RIT2: variants seen among roughly 807,000 people sequenced by gnomAD.
RIT2 encodes GTP-binding protein Rit2.
RIT2 carries 24 observed loss-of-function variants against 23.7 expected under a neutral mutation model. That is an observed-to-expected ratio of 1.01 (90% CI 0.73 to 1.43). RIT2 has a LOEUF of 1.43. RIT2 is among the 40% of genes most tolerant of loss of function. The pLI, the probability that RIT2 is intolerant of heterozygous loss-of-function variation, is 0.00. For synonymous variants in RIT2, 107 were observed against 91.1 expected, an observed-to-expected ratio of 1.17 and a Z score of -0.99; for missense variants, 236 against 266.9, an observed-to-expected ratio of 0.88 and a Z score of 0.81.
chr18:43,077,321 C>A (rs1242979045), intron 1 of RIT2, among the ~76,000 whole-genome samples: 4 of 152,112 alleles, frequency 2.6e-5, no homozygotes, highest in African/African-American at 9.7e-5. Context: ...ATAAAGAAAT[C>A]CATCTATTAG....
At chr18:42,953,234 T>A (rs1326863081) in intron 3 of RIT2, among the ~76,000 whole-genome samples, 2 of 152,184 alleles carry the variant, frequency 1.3e-5, no homozygotes, top group African/African-American at 4.8e-5. Flanking sequence ...ATGCTGACAT[T>A]CTGCCATGTT....
chr18:42,975,235 G>C (rs548413676), intron 2 of RIT2, among the ~76,000 whole-genome samples: 2 of 152,186 alleles, frequency 1.3e-5, no homozygotes, highest in East Asian at 3.9e-4. Flanking sequence ...AAGAGATGTA[G>C]AATGTTATCA....
intron 4 of RIT2, among the ~76,000 whole-genome samples, chr18:42,846,988 C>T (rs1298115831): frequency 6.6e-6 from 1 of 152,056 alleles, no homozygotes; most frequent in Non-Finnish European, 1.5e-5. Flanking sequence ...TTGAGTTGTG[C>T]ATTTATGTTT....
At chr18:43,075,763 C>T (rs1246409257) in intron 1 of RIT2, among the ~76,000 whole-genome samples, 1 of 152,080 alleles carries the variant, frequency 6.6e-6, no homozygotes, top group African/African-American at 2.4e-5. Flanking sequence ...TTCTGGCTCC[C>T]CCTCTTTTTG....
intron 1 of RIT2, among the ~76,000 whole-genome samples, chr18:43,114,588 T>G (rs944077700): frequency 6.6e-6 from 1 of 152,124 alleles, no homozygotes; most frequent in Admixed American, 6.5e-5. Flanking sequence ...AAAGCTATAT[T>G]TATTTATTTT....
rs79193923 is a variant in RIT2 at position 42,923,052 on chromosome 18, G to A, written c.426+520C>T. Among the ~76,000 whole-genome samples the A allele has an allele frequency of 2.4e-3, 361 of 152,216 alleles. 1 individual carries two copies. Among genetic ancestry groups the A allele is most frequent in the Non-Finnish European group, 3.9e-3 (264 of 67,996 alleles). ...GACAAGGCTTACCTGGGAGATTTTC[G>A]TGTTCTATGTGGATTGGCTGGCTAT... On this transcript the variant is annotated intron_variant, in intron 4 of 4. Coordinates refer to ENST00000326695, the MANE Select transcript of RIT2 (RefSeq NM_002930.4).
chr18:42,776,625 GAAGT>G (rs1348691505), intron 4 of RIT2, among the ~76,000 whole-genome samples: 6 of 151,988 alleles, frequency 3.9e-5, no homozygotes, highest in Admixed American at 6.6e-5. Context: ...ACAAACTTAT[GAAGT>G]AATACTAGTA....
rs114272642 is a variant in RIT2, at chr18:43,087,372, C to T, written c.103+28045G>A. On this transcript the variant is annotated intron_variant, in intron 1 of 4. Coordinates refer to ENST00000326695, the MANE Select transcript of RIT2 (RefSeq NM_002930.4). ...ATGTGTTCCAATATGTCCTTACTAACAGGCACTATTTTGAGCATTTTATAG... is the reference window on the plus strand; with the variant it reads ...ATGTGTTCCAATATGTCCTTACTAATAGGCACTATTTTGAGCATTTTATAG... 3.5e-3 allele frequency among the ~76,000 whole-genome samples: 533 copies of T among 152,178 alleles called. 3 individuals are homozygous for T. Among genetic ancestry groups the T allele is most frequent in the African/African-American group, 0.011 (449 of 41,536 alleles).
chr18:42,979,378 C>T (rs1209982504), intron 2 of RIT2, among the ~76,000 whole-genome samples: 2 of 151,872 alleles, frequency 1.3e-5, no homozygotes, highest in Admixed American at 6.6e-5. Context: ...TGATTGAATA[C>T]TTCTTACATG....
intron 4 of RIT2, among the ~76,000 whole-genome samples, chr18:42,752,195 T>C (rs985451546): frequency 6.6e-6 from 1 of 152,114 alleles, no homozygotes; most frequent in Non-Finnish European, 1.5e-5. Flanking sequence ...AGTCCACTAG[T>C]GGTGGTCTGA....
intron 1 of RIT2, among the ~76,000 whole-genome samples, chr18:43,099,931 C>T (rs545338648): frequency 1.3e-5 from 2 of 152,242 alleles, no homozygotes; most frequent in South Asian, 2.1e-4. Context: ...ACTGGCAAGG[C>T]TGGTATTATT....
chr18:42,776,241 A>G (rs372006018), intron 4 of RIT2, among the ~76,000 whole-genome samples: 3 of 152,326 alleles, frequency 2.0e-5, no homozygotes, highest in African/African-American at 7.2e-5. Context: ...CTGAGAATAA[A>G]GATAGGTGAC....
At chr18:42,926,915 G>C (rs997182169) in intron 3 of RIT2, among the ~76,000 whole-genome samples, 2 of 151,840 alleles carry the variant, frequency 1.3e-5, no homozygotes, top group African/African-American at 2.4e-5. Context: ...TACTTACTTA[G>C]AGCATGTTTT....
chr18:42,918,377 T>A (rs1294410351), intron 4 of RIT2, among the ~76,000 whole-genome samples: 1 of 152,120 alleles, frequency 6.6e-6, no homozygotes, highest in Non-Finnish European at 1.5e-5. Flanking sequence ...ATTTATTTAA[T>A]TTAATTAAAT....
intron 4 of RIT2, among the ~76,000 whole-genome samples, chr18:42,882,965 T>C (rs545792379): frequency 1.3e-4 from 20 of 152,320 alleles, no homozygotes; most frequent in African/African-American, 4.8e-4. Flanking sequence ...TATTCCCTTA[T>C]ACATTTGTAT....
chr18:42,984,096 A>G (rs1311434778), intron 2 of RIT2, among the ~76,000 whole-genome samples: 1 of 152,126 alleles, frequency 6.6e-6, no homozygotes, highest in African/African-American at 2.4e-5. Context: ...CAAAGAAAGT[A>G]ATGTTTTCAA....
intron 4 of RIT2, among the ~76,000 whole-genome samples, chr18:42,812,913 G>A (rs1905891927): frequency 6.6e-6 from 1 of 152,144 alleles, no homozygotes; most frequent in East Asian, 1.9e-4. Flanking sequence ...CTGTTGACAA[G>A]TTTTACAGAA....
At chr18:42,880,916 C>T (rs2144078899) in intron 4 of RIT2, among the ~76,000 whole-genome samples, 1 of 150,782 alleles carries the variant, frequency 6.6e-6, no homozygotes, top group South Asian at 2.1e-4. Flanking sequence ...CCAGCAATTC[C>T]CCTGCCTCAG....
chr18:42,965,231 T>C (rs924520019), intron 3 of RIT2, among the ~76,000 whole-genome samples: 1 of 152,222 alleles, frequency 6.6e-6, no homozygotes, highest in African/African-American at 2.4e-5. Flanking sequence ...CACAAAATCC[T>C]TTAAATAACA....
Sources: gnomAD v4.1 joint callset for allele counts (sites outside exome capture counted in the v4.1 genomes callset) on GRCh38, gnomAD v4.1.1 for gene constraint, MANE v1.5 for transcripts, NCBI Gene and HGNC (gene_info 2026-07-23, HGNC 2026-07-21) for gene names.